Variants in KCNQ1 observed in about 807,000 individuals in gnomAD.
KCNQ1 encodes potassium voltage-gated channel subfamily KQT member 1.
A neutral mutation model predicts 72.4 loss-of-function variants in KCNQ1; 49 were observed. The observed-to-expected ratio is 0.68, with a 90% CI of 0.54 to 0.86. KCNQ1 has a LOEUF of 0.86. Ranked by LOEUF, KCNQ1 falls within the 40% of genes least tolerant of loss-of-function variation. The pLI, the probability that KCNQ1 is intolerant of heterozygous loss-of-function variation, is 0.00. For synonymous variants in KCNQ1, 450 were observed against 412.6 expected (o/e 1.09, Z -1.10); for missense variants, 790 against 945.1 (o/e 0.84, Z 2.15).
chr11:2,777,087 C>T (rs368501622), intron 14 of KCNQ1, 55 bp downstream of exon 14: 131 of 1,535,690 alleles, frequency 8.5e-5, no homozygotes, highest in African/African-American at 1.4e-4. Context: ...GACTCTCCCG[C>T]ACCTCTGCCC....
intron 15 of KCNQ1, among the ~76,000 whole-genome samples, chr11:2,822,139 C>T (rs898117098): frequency 2.0e-5 from 3 of 152,184 alleles, no homozygotes; most frequent in Non-Finnish European, 1.5e-5. Context: ...AGCCCAGGAA[C>T]GCAGGCAGCT....
At chr11:2,586,138 C>T (rs1848588911) in intron 8 of KCNQ1, among the ~76,000 whole-genome samples, 1 of 152,182 alleles carries the variant, frequency 6.6e-6, no homozygotes. Flanking sequence ...GGCCTCCGCC[C>T]AGTGCAGTGG....
Position 2,620,039 on chromosome 11 carries a change from G to C in KCNQ1, c.1393+31185G>C. 1 of 398,170 alleles carries C rather than the reference G, an allele frequency of 2.5e-6. No homozygotes were observed. The highest frequency in any genetic ancestry group is 4.4e-6 in the Non-Finnish European group (1 of 226,014). 24.7% of individuals were successfully genotyped at this position (398,170 alleles called of 1,614,324 possible). ...CCATTCCTCCCCCAAGTAGTCCCCA[G>C]TGTCTACTGATCATCTTTATGTCCA... On this transcript the variant is annotated intron_variant, in intron 10 of 15. Coordinates refer to ENST00000155840, the MANE Select transcript of KCNQ1 (RefSeq NM_000218.3). This position sits in a 1 kb window ranked among gnomAD's most constrained non-coding sequence, Gnocchi z 4.5.
chr11:2,847,711 C>T (rs12720455), intron 15 of KCNQ1, 56 bp from the exon 16 acceptor site: 65 of 1,510,250 alleles, frequency 4.3e-5, no homozygotes, highest in Non-Finnish European at 5.6e-5. Context: ...CTGAGGCTGT[C>T]TGCACACCTG....
intron 11 of KCNQ1, among the ~76,000 whole-genome samples, chr11:2,755,264 T>C (rs1846281654): frequency 6.6e-6 from 1 of 152,158 alleles, no homozygotes; most frequent in African/African-American, 2.4e-5. Flanking sequence ...GTTGTTGTTG[T>C]TGTTGTTGTA....
chr11:2,723,517 C>G lies in KCNQ1; in HGVS notation c.1515-45327C>G. 6.6e-6 allele frequency among the ~76,000 whole-genome samples: 1 copy of G among 152,332 alleles called. No individual in the cohort carries two copies. Among genetic ancestry groups the G allele is most frequent in the South Asian group, 2.1e-4 (1 of 4,820 alleles). On this transcript the variant is annotated intron_variant, in intron 11 of 15. Transcript: ENST00000155840. This position sits in a 1 kb window ranked among gnomAD's most constrained non-coding sequence, Gnocchi z 4.2. ...TACACAGGCAGCCCCACACCTGGTC[C>G]GCTGTTCTGTCCTTACTGTAGCAGT...
Position 2,661,615 on chromosome 11 carries a change from C to G in KCNQ1, c.1394-346C>G, listed in dbSNP as rs763572801. ...CCCTTACCAGGCCTGTGCCTGTCAC[C>G]TCTGTTTTATTCTTGACCCAAGTGT... On this transcript the variant is annotated intron_variant, in intron 10 of 15. Transcript: ENST00000155840. The surrounding 1 kb of genome is among the most constrained non-coding windows in gnomAD (Gnocchi z 5.9). 1 of 583,006 alleles carries G rather than the reference C, an allele frequency of 1.7e-6. No homozygotes were observed. Among genetic ancestry groups the G allele is most frequent in the Non-Finnish European group, 3.1e-6 (1 of 327,366 alleles). The allele number at this position is 583,006 out of a possible 1,614,324, so 36.1% of individuals were successfully genotyped here. A position where few individuals can be genotyped will look rare whatever the true frequency, so the allele number is the denominator to read the frequency against.
chr11:2,659,429 A>T lies in KCNQ1; in HGVS notation c.1394-2532A>T. 3 of 398,630 alleles carry T rather than the reference A, an allele frequency of 7.5e-6. No individual in the cohort carries two copies. The highest frequency in any genetic ancestry group is 1.3e-5 in the Non-Finnish European group (3 of 226,052). 24.7% of individuals were successfully genotyped at this position (398,630 alleles called of 1,614,324 possible). On this transcript the variant is annotated intron_variant, in intron 10 of 15. Coordinates refer to ENST00000155840, the MANE Select transcript of KCNQ1 (RefSeq NM_000218.3). This position sits in a 1 kb window ranked among gnomAD's most constrained non-coding sequence, Gnocchi z 4.3. ...GAGATTCATCCATGTTGTTGCATAAATCATTAGTTAATTTCTTTTTATTGC... is the reference window on the plus strand; with the variant it reads ...GAGATTCATCCATGTTGTTGCATAATTCATTAGTTAATTTCTTTTTATTGC...
rs538040668 is a variant in KCNQ1 at position 2,446,133 on chromosome 11, G to A, written c.386+649G>A. On this transcript the variant is annotated intron_variant, in intron 1 of 15. Coordinates refer to ENST00000155840, the MANE Select transcript of KCNQ1 (RefSeq NM_000218.3). This position sits in a 1 kb window ranked among gnomAD's most constrained non-coding sequence, Gnocchi z 8.8. The stretch of plus-strand genomic sequence containing the variant: ...AGAGGCAGCTGTGCTCCCGGAGAAA[G>A]CAGCGCTGGTAGCAGAGGCACCTGG... Among the ~76,000 whole-genome samples, 1 of 152,348 alleles carries A rather than the reference G, an allele frequency of 6.6e-6. No homozygotes were observed. The highest frequency in any genetic ancestry group is 2.4e-5 in the African/African-American group (1 of 41,576).
chr11:2,840,742 A>G (rs986252953), intron 15 of KCNQ1, among the ~76,000 whole-genome samples: 2 of 152,222 alleles, frequency 1.3e-5, no homozygotes, highest in African/African-American at 4.8e-5. Flanking sequence ...TGTACTTGAC[A>G]TCTTTCTTAA....
intron 1 of KCNQ1, among the ~76,000 whole-genome samples, chr11:2,511,760 A>G (rs1387407372): frequency 1.3e-5 from 2 of 152,222 alleles, no homozygotes; most frequent in East Asian, 3.9e-4. Context: ...GGCCTAGTGG[A>G]ATTGTGGCCC....
At chr11:2,749,896 G>C (rs531770076) in intron 11 of KCNQ1, among the ~76,000 whole-genome samples, 1 of 151,490 alleles carries the variant, frequency 6.6e-6, no homozygotes, top group African/African-American at 2.4e-5. Flanking sequence ...GGAAACACTT[G>C]AACCCGTGAG....
chr11:2,572,726 A>C, intron 5 of KCNQ1, 120 bp from the exon 6 acceptor site: 1 of 1,325,266 alleles, frequency 7.5e-7, no homozygotes. Flanking sequence ...GTGCATGTGA[A>C]CCGCGCTGGA....
Position 2,477,366 on chromosome 11 carries a change from C to T in KCNQ1, c.386+31882C>T, listed in dbSNP as rs895197538. Among the ~76,000 whole-genome samples, 10 of 152,174 alleles carry T rather than the reference C, an allele frequency of 6.6e-5. No individual in the cohort carries two copies. Among genetic ancestry groups the T allele is most frequent in the Non-Finnish European group, 1.0e-4 (7 of 68,038 alleles). The stretch of plus-strand genomic sequence containing the variant: ...CAAAAAGTTTTTTCTGGAAAAGCCT[C>T]CAGCCCACGGTGACCTAGGTTCTTC... On this transcript the variant is annotated intron_variant, in intron 1 of 15. Transcript: ENST00000155840. The surrounding 1 kb of genome is among the most constrained non-coding windows in gnomAD (Gnocchi z 5.0).
intron 2 of KCNQ1, among the ~76,000 whole-genome samples, chr11:2,534,028 C>T (rs1205673854): frequency 1.3e-5 from 2 of 152,158 alleles, no homozygotes; most frequent in Non-Finnish European, 2.9e-5. Flanking sequence ...GGTGGCCCAC[C>T]CCTCCCGCCA....
chr11:2,817,897 G>A lies in KCNQ1; in HGVS notation c.1795-29870G>A, dbSNP rs528395921. On this transcript the variant is annotated intron_variant, in intron 15 of 15. Coordinates refer to ENST00000155840, the MANE Select transcript of KCNQ1 (RefSeq NM_000218.3). This position sits in a 1 kb window ranked among gnomAD's most constrained non-coding sequence, Gnocchi z 6.1. Reference sequence around the variant, plus strand: ...CCCAGCCAGCACCTACCAGCTTTGCGCAAATGCTCCACATTTGCATTTTAA... The same window carrying A: ...CCCAGCCAGCACCTACCAGCTTTGCACAAATGCTCCACATTTGCATTTTAA... Among the ~76,000 whole-genome samples, 26 of 152,186 alleles carry A rather than the reference G, an allele frequency of 1.7e-4. No individual in the cohort carries two copies. The highest frequency in any genetic ancestry group is 5.8e-4 in the African/African-American group (24 of 41,524).
chr11:2,689,813 G>A (rs1343667985), intron 11 of KCNQ1: 1 of 398,662 alleles, frequency 2.5e-6, no homozygotes, highest in Admixed American at 4.4e-5. Context: ...TCTCAGTGTG[G>A]TGCTTGGCCC....
At chr11:2,553,672 T>G (rs1198353328) in intron 2 of KCNQ1, among the ~76,000 whole-genome samples, 1 of 151,228 alleles carries the variant, frequency 6.6e-6, no homozygotes, top group Non-Finnish European at 1.5e-5. Context: ...TTTATTTTAT[T>G]TTATTTATTT....
At chr11:2,575,170 C>T (rs1449673932) in intron 6 of KCNQ1, among the ~76,000 whole-genome samples, 1 of 152,202 alleles carries the variant, frequency 6.6e-6, no homozygotes, top group South Asian at 2.1e-4. Flanking sequence ...CCCCAGCCCC[C>T]CAGCCCGCAG....
Sources: allele counts gnomAD v4.1 joint callset (sites outside exome capture counted in the v4.1 genomes callset), GRCh38; gene constraint gnomAD v4.1.1; non-coding constraint Gnocchi (gnomAD v3.1); transcripts MANE v1.5; gene names NCBI Gene and HGNC (gene_info 2026-07-23, HGNC 2026-07-21).